The following ZNF827 variants were observed in gnomAD, a reference collection of about 807,000 sequenced individuals.
ZNF827 encodes zinc finger protein 827.
In ZNF827, 13 loss-of-function variants were observed where a neutral mutation model predicts 102.4. The observed-to-expected ratio is 0.13, with a 90% CI of 0.08 to 0.20. ZNF827 has a LOEUF of 0.20. ZNF827 is among the 10% of genes least tolerant of loss of function. The pLI is 1.00. For synonymous variants in ZNF827, 523 were observed against 536.2 expected, an observed-to-expected ratio of 0.98 and a Z score of 0.34; for missense variants, 1,103 against 1,344.4, an observed-to-expected ratio of 0.82 and a Z score of 2.81.
At chr4:145,835,340 C>A (rs1744701848) in intron 7 of ZNF827, 1 of 151,946 alleles carries the variant, frequency 6.6e-6, no homozygotes, top group African/African-American at 2.4e-5. Context: ...ACCCACTCTA[C>A]ATTACCTTCT....
intron 8 of ZNF827, among the ~76,000 whole-genome samples, chr4:145,804,575 TAA>T (rs1051955632): frequency 1.3e-5 from 2 of 152,252 alleles, no homozygotes; most frequent in African/African-American, 4.8e-5. Context: ...AAAATGTTTT[TAA>T]AAAGTGATTT....
chr4:145,857,592 A>C (rs1415807288), intron 5 of ZNF827, among the ~76,000 whole-genome samples: 1 of 152,210 alleles, frequency 6.6e-6, no homozygotes, highest in Non-Finnish European at 1.5e-5. Context: ...AGATATCAGA[A>C]TATGTCCCTC....
intron 9 of ZNF827, 102 bp downstream of exon 9, chr4:145,779,272 G>A: frequency 7.0e-7 from 1 of 1,436,724 alleles, no homozygotes. Context: ...GCCATTCCCA[G>A]CACTTCCTGT....
intron 11 of ZNF827, among the ~76,000 whole-genome samples, chr4:145,769,679 C>A (rs934293612): frequency 1.3e-5 from 2 of 152,138 alleles, no homozygotes; most frequent in Admixed American, 6.5e-5. Context: ...GGTGCCCTTG[C>A]CAGCCAAGTC....
At chr4:145,841,123 C>A (rs950267201) in intron 7 of ZNF827, among the ~76,000 whole-genome samples, 1 of 152,160 alleles carries the variant, frequency 6.6e-6, no homozygotes, top group Non-Finnish European at 1.5e-5. Context: ...CCCCCATGGA[C>A]ACTGAATTAT....
intron 2 of ZNF827, among the ~76,000 whole-genome samples, chr4:145,894,513 A>G (rs911050346): frequency 6.6e-6 from 1 of 152,208 alleles, no homozygotes; most frequent in Non-Finnish European, 1.5e-5. Context: ...GTCTCTACAT[A>G]CAAAGGAGCA....
intron 5 of ZNF827, among the ~76,000 whole-genome samples, chr4:145,856,682 T>TACACAC (rs58347486): frequency 2.2e-4 from 31 of 141,882 alleles, no homozygotes; most frequent in African/African-American, 5.9e-4. Flanking sequence ...AGTACACACA[T>TACACAC]ACACACACAC....
At chr4:145,805,893 C>T (rs894488338) in intron 8 of ZNF827, among the ~76,000 whole-genome samples, 3 of 152,104 alleles carry the variant, frequency 2.0e-5, no homozygotes, top group East Asian at 3.9e-4. Flanking sequence ...CTTCAGGTAG[C>T]TGCTTGAATT....
intron 7 of ZNF827, 147 bp downstream of exon 7, chr4:145,845,809 A>T (rs932807123): frequency 1.4e-5 from 10 of 739,144 alleles, no homozygotes; most frequent in Non-Finnish European, 2.2e-5. Context: ...TCTACCAACC[A>T]AGAAATTCTG....
chr4:145,810,666 T>A lies in ZNF827; in HGVS notation c.2383+12756A>T, dbSNP rs150184512. Among the ~76,000 whole-genome samples, 637 of 152,370 alleles carry A rather than the reference T, an allele frequency of 4.2e-3. 17 individuals are homozygous for A. The highest frequency in any genetic ancestry group is 0.037 in the Admixed American group (571 of 15,306). ...CATAATGGGATCATGTCACGCATGT[T>A]GTCAGCAGCCAGTGTTTCCTTTTTT... is the stretch of plus-strand genomic sequence containing the variant. On this transcript the variant is annotated intron_variant, in intron 8 of 14. Coordinates refer to ENST00000508784, the MANE Select transcript of ZNF827 (RefSeq NM_001306215.2).
intron 7 of ZNF827, among the ~76,000 whole-genome samples, chr4:145,826,470 C>T (rs922032012): frequency 2.0e-5 from 3 of 152,160 alleles, no homozygotes; most frequent in Non-Finnish European, 1.5e-5. Context: ...AGTAGTCCCC[C>T]CTTACCCATG....
chr4:145,922,112 T>C (rs72956695), intron 1 of ZNF827, among the ~76,000 whole-genome samples: 1,639 of 152,328 alleles, frequency 0.011, 38 homozygotes, highest in African/African-American at 0.038. Flanking sequence ...TCTTCAGGAT[T>C]CTTTGCCTTT....
Position 145,763,075 on chromosome 4 carries a change from C to T in ZNF827, c.*17+15G>A. 6.5e-7 allele frequency: 1 copy of T among 1,535,688 alleles called. No individual in the cohort carries two copies. The highest frequency in any genetic ancestry group is 8.7e-7 in the Non-Finnish European group (1 of 1,146,678). On this transcript the variant is annotated intron_variant, in intron 14 of 14. Coordinates refer to ENST00000508784, the MANE Select transcript of ZNF827 (RefSeq NM_001306215.2). This position sits in a 1 kb window ranked among gnomAD's most constrained non-coding sequence, Gnocchi z 4.6. Reference sequence around the variant, plus strand: ...TCAGGTGCACACACAACCCCTACGCCAAGCTGGGCCTTACCTAGAGGAGTC... The same window carrying T: ...TCAGGTGCACACACAACCCCTACGCTAAGCTGGGCCTTACCTAGAGGAGTC...
Position 145,938,498 on chromosome 4 carries a change from G to A in ZNF827, c.-91C>T. 9.9e-7 allele frequency: 1 copy of A among 1,011,356 alleles called. No individual in the cohort carries two copies. Among genetic ancestry groups the A allele is most frequent in the Non-Finnish European group, 1.5e-6 (1 of 685,358 alleles). The allele number at this position is 1,011,356 out of a possible 1,614,324, so 62.6% of individuals were successfully genotyped here. On this transcript the variant is annotated 5_prime_UTR_variant, in exon 1 of 15. Transcript: ENST00000508784. ...GAGAGGCAGACACTGGCAGGAGCGG[G>A]GAGGTAGTTGGGGGGCGGGCGGGCG...
intron 5 of ZNF827, among the ~76,000 whole-genome samples, chr4:145,865,612 C>T (rs1748113154): frequency 6.6e-6 from 1 of 152,198 alleles, no homozygotes; most frequent in Non-Finnish European, 1.5e-5. Context: ...TTGAGAAGCA[C>T]TGCCTTAGCA....
intron 5 of ZNF827, among the ~76,000 whole-genome samples, chr4:145,869,484 T>C (rs774371054): frequency 3.3e-5 from 5 of 152,246 alleles, no homozygotes; most frequent in Non-Finnish European, 5.9e-5. Context: ...GGATGGGATA[T>C]GACTTGACAA....
intron 11 of ZNF827, among the ~76,000 whole-genome samples, chr4:145,766,075 C>A (rs1323069462): frequency 6.6e-6 from 1 of 151,974 alleles, no homozygotes; most frequent in Non-Finnish European, 1.5e-5. Context: ...TTTGTTTTTT[C>A]AAAAATCCTG....
At chr4:145,843,712 G>A (rs748803735) in intron 7 of ZNF827, among the ~76,000 whole-genome samples, 6 of 152,180 alleles carry the variant, frequency 3.9e-5, no homozygotes, top group Non-Finnish European at 5.9e-5. Flanking sequence ...CACCTACCCC[G>A]GAGTTTGCGT....
At chr4:145,809,846 A>G (rs979835449) in intron 8 of ZNF827, among the ~76,000 whole-genome samples, 1 of 152,034 alleles carries the variant, frequency 6.6e-6, no homozygotes, top group Admixed American at 6.5e-5. Context: ...CCACCAAATT[A>G]TCCATAAAAA....
Sources: gnomAD v4.1 joint callset for allele counts (sites outside exome capture counted in the v4.1 genomes callset) on GRCh38, gnomAD v4.1.1 for gene constraint, Gnocchi (gnomAD v3.1) non-coding constraint, MANE v1.5 for transcripts, NCBI Gene and HGNC (gene_info 2026-07-23, HGNC 2026-07-21) for gene names.